RGS12: variants seen among roughly 807,000 people sequenced by gnomAD.
RGS12 encodes regulator of G-protein signaling 12.
A neutral mutation model predicts 120.1 loss-of-function variants in RGS12; 66 were observed. The observed-to-expected ratio is 0.55, with a 90% CI of 0.45 to 0.67. RGS12 has a LOEUF of 0.67. RGS12 is among the 30% of genes least tolerant of loss of function. The pLI, the probability that RGS12 is intolerant of heterozygous loss-of-function variation, is 0.00. For synonymous variants in RGS12, 827 were observed against 804.7 expected, an observed-to-expected ratio of 1.03 and a Z score of -0.47; for missense variants, 1,859 against 1,957.7, an observed-to-expected ratio of 0.95 and a Z score of 0.95.
At chr4:3,437,215 A>G (rs1309722334) in intron 17 of RGS12, among the ~76,000 whole-genome samples, 2 of 152,124 alleles carry the variant, frequency 1.3e-5, no homozygotes, top group African/African-American at 2.4e-5. Context: ...GTAGGCAGGA[A>G]GGGCCTGGCT....
At chr4:3,364,167 A>G (rs1395091357) in intron 3 of RGS12, among the ~76,000 whole-genome samples, 1 of 152,240 alleles carries the variant, frequency 6.6e-6, no homozygotes, top group Non-Finnish European at 1.5e-5. Flanking sequence ...GGGTTGCTGT[A>G]TAAGCCCTGG....
In RGS12 at chr4:3,430,526, C is replaced by G. The variant is rs769909535; in HGVS notation, c.3685C>G (p.Leu1229Val). 1.2e-5 allele frequency: 19 copies of G among 1,613,536 alleles called. No individual in the cohort carries two copies. Among genetic ancestry groups the G allele is most frequent in the Non-Finnish European group, 1.4e-5 (17 of 1,180,028 alleles). ...CCGTTTACCTCCTGGTTCCACAGAA[C>G]TCACCCTCCCCACTCCAGCTGCTGT... ...FLRLPPGSTE[L>V]TLPTPAAVAK... Residue 1229 changes from leucine (L) to valine (V), a missense_variant, in exon 17 of 18, where the codon CTC (leucine) becomes GTC (valine). Physicochemically the swap from Leu to Val is conservative, Grantham distance 32. This residue lies in a region of RGS12 where 517 missense variants were observed against 488.5 expected (regional missense o/e 1.06). Transcript: ENST00000336727.
rs750469659 is a variant in RGS12 at position 3,317,588 on chromosome 4, C to A, written c.1418C>A (p.Thr473Asn). The part of the protein sequence containing the change: ...RGAQPWGAPW[T>N]GPFCPDPEGS... ...GCCCAGCCCTGGGGTGCTCCCTGGA[C>A]TGGGCCCTTCTGTCCGGACCCCGAA... Residue 473 changes from threonine to asparagine, a missense_variant, in exon 2 of 18, where the codon ACT becomes AAT. By Grantham distance (65) the Thr-to-Asn change is moderately conservative. Transcript: ENST00000336727. 4 of 1,595,724 alleles carry A rather than the reference C, an allele frequency of 2.5e-6. No homozygotes were observed. In the East Asian group the frequency reaches 9.0e-5, roughly 36 times the overall value.
At chr4:3,292,830 G>C (rs953115176), upstream of RGS12, among the ~76,000 whole-genome samples, 1 of 151,960 alleles carries the variant, frequency 6.6e-6, no homozygotes, top group Admixed American at 6.6e-5. Flanking sequence ...TCTCATCCCT[G>C]CTTCCCTGGC....
intron 4 of RGS12, among the ~76,000 whole-genome samples, chr4:3,408,442 C>T (rs550507363): frequency 6.6e-6 from 1 of 152,324 alleles, no homozygotes; most frequent in African/African-American, 2.4e-5. Context: ...TCGCACCTGG[C>T]TCTGCTGTGT....
chr4:3,416,942 C>T lies in RGS12; in HGVS notation c.2457C>T (p.Tyr819=), dbSNP rs143292875. Residue 819 remains tyrosine, a synonymous_variant, in exon 8 of 18, where the codon TAC becomes TAT. Transcript: ENST00000336727. Reference sequence around the variant, plus strand: ...TCAATCTCATGAAGTTTGATAGCTACACTCGCTTTCTGAAGTCCCCGCTGT... The same window carrying T: ...TCAATCTCATGAAGTTTGATAGCTATACTCGCTTTCTGAAGTCCCCGCTGT... ...QIFNLMKFDS[Y]TRFLKSPLYQ... 6.7e-5 allele frequency: 108 copies of T among 1,609,138 alleles called. No homozygotes were observed. The highest frequency in any genetic ancestry group is 8.8e-5 in the Non-Finnish European group (104 of 1,176,204).
intron 1 of RGS12, among the ~76,000 whole-genome samples, chr4:3,307,278 C>T (rs1050991798): frequency 4.6e-5 from 7 of 152,226 alleles, no homozygotes; most frequent in African/African-American, 1.7e-4. Context: ...CTGTCTTGGA[C>T]ATGAGCCCGC....
upstream of RGS12, among the ~76,000 whole-genome samples, chr4:3,289,615 A>G (rs1349089984): frequency 6.6e-6 from 1 of 152,226 alleles, no homozygotes; most frequent in African/African-American, 2.4e-5. Flanking sequence ...ATATGTTTAC[A>G]CTACAGAGTG....
At chr4:3,431,357 T>G in intron 17 of RGS12, 6 of 1,044,114 alleles carry the variant, frequency 5.7e-6, no homozygotes, top group South Asian at 3.4e-5. Flanking sequence ...ACAATAGCAT[T>G]TGTCTTGAGT....
rs1400596676 is a variant in RGS12 at position 3,316,927 on chromosome 4, C to G, written c.757C>G (p.Gln253Glu). The G allele has an allele frequency of 1.2e-6, 2 of 1,613,862 alleles. No homozygotes were observed. Among genetic ancestry groups the G allele is most frequent in the African/African-American group, 2.7e-5 (2 of 74,948 alleles). The change falls in exon 2 of 18, where the codon CAA (glutamine) becomes GAA (glutamate). Residue 253 changes from glutamine to glutamate, a missense_variant. Physicochemically the swap from Gln to Glu is conservative, Grantham distance 29 (BLOSUM62 2). This residue lies in a region of RGS12 where 967 missense variants were observed against 994.2 expected (regional missense o/e 0.97). Transcript: ENST00000336727. Reference sequence around the variant, plus strand: ...CTCCAACCTGGAGTCCGACAGCTTGCAAGCCATCCGCGGCTGCATGCGGCG... The same window carrying G: ...CTCCAACCTGGAGTCCGACAGCTTGGAAGCCATCCGCGGCTGCATGCGGCG... Reference protein sequence around the residue: ...TSSNLESDSLQAIRGCMRRLR... With the variant: ...TSSNLESDSLEAIRGCMRRLR...
At chr4:3,303,997 C>T (rs1475329094) in intron 1 of RGS12, among the ~76,000 whole-genome samples, 1 of 152,214 alleles carries the variant, frequency 6.6e-6, no homozygotes, top group Non-Finnish European at 1.5e-5. Context: ...CTCTTGTAAG[C>T]ACTGAGTCGC....
At chr4:3,435,287 G>T (rs1291742048) in intron 17 of RGS12, among the ~76,000 whole-genome samples, 2 of 152,168 alleles carry the variant, frequency 1.3e-5, no homozygotes, top group East Asian at 3.9e-4. Context: ...CATGGCCATT[G>T]TGTTGTACCG....
At chr4:3,416,596 C>CAAA (rs376810965) in intron 7 of RGS12, among the ~76,000 whole-genome samples, 190 of 152,280 alleles carry the variant, frequency 1.2e-3, no homozygotes, top group African/African-American at 4.3e-3. Context: ...TTTCTAGTCG[C>CAAA]TTTTGGTTTT....
At chr4:3,427,309 G>A (rs573947782) in intron 14 of RGS12, among the ~76,000 whole-genome samples, 66 of 152,212 alleles carry the variant, frequency 4.3e-4, no homozygotes, top group Non-Finnish European at 7.1e-4. Context: ...GGCGCTCAGC[G>A]TTTTTGTAGG....
At chr4:3,409,394 G>T (rs560998594) in intron 4 of RGS12, among the ~76,000 whole-genome samples, 2 of 152,246 alleles carry the variant, frequency 1.3e-5, no homozygotes, top group Non-Finnish European at 1.5e-5. Flanking sequence ...TTATTGATTT[G>T]TGAGTCTTAG....
intron 1 of RGS12, among the ~76,000 whole-genome samples, chr4:3,296,925 G>A (rs75349944): frequency 6.6e-6 from 1 of 152,162 alleles, no homozygotes; most frequent in Non-Finnish European, 1.5e-5. Flanking sequence ...GTTCCAAACT[G>A]GATACTCCAC....
chr4:3,415,024 GCGTGTGAGAGGGA>G (rs563063471), intron 6 of RGS12, among the ~76,000 whole-genome samples, 180 bp downstream of exon 6: 13,376 of 133,436 alleles, frequency 0.1, 1,276 homozygotes, highest in Non-Finnish European at 0.16. Context: ...TGTGAGAGGG[GCGTGTGAGAGGGA>G]CGTGTGAGAG....
intron 1 of RGS12, among the ~76,000 whole-genome samples, chr4:3,305,412 C>G (rs985848384): frequency 6.6e-6 from 1 of 152,144 alleles, no homozygotes; most frequent in Admixed American, 6.5e-5. Flanking sequence ...ATACACTCCC[C>G]GCAAGGTCCT....
chr4:3,301,420 A>G (rs1395018627), intron 1 of RGS12, among the ~76,000 whole-genome samples: 3 of 152,234 alleles, frequency 2.0e-5, no homozygotes, highest in Admixed American at 6.5e-5. Flanking sequence ...TTTCCCTTGA[A>G]TCCTGTAGGT....
Sources: allele counts gnomAD v4.1 joint callset (sites outside exome capture counted in the v4.1 genomes callset), GRCh38; gene constraint gnomAD v4.1.1; regional missense constraint gnomAD v4.1.1; transcripts MANE v1.5; gene names NCBI Gene and HGNC (gene_info 2026-07-23, HGNC 2026-07-21).